Variants in FYN observed in about 807,000 individuals in gnomAD.
FYN encodes the protein FYN proto-oncogene, Src family tyrosine kinase.
FYN carries 10 observed loss-of-function variants against 70.2 expected under a neutral mutation model. The ratio of observed to expected loss-of-function variants is 0.14; its 90% CI spans 0.09 to 0.24. The LOEUF is 0.24. Ranked by LOEUF, FYN falls within the 10% of genes least tolerant of loss-of-function variation. The pLI, the probability that FYN is intolerant of heterozygous loss-of-function variation, is 1.00. For missense variants in FYN, 319 were observed against 673.1 expected, an observed-to-expected ratio of 0.47 and a Z score of 5.82; for synonymous variants, 236 against 248.6, an observed-to-expected ratio of 0.95 and a Z score of 0.48.
In FYN at chr6:111,832,703, T is replaced by C. The variant is rs559872170; in HGVS notation, c.-82+13886A>G. On this transcript the variant is annotated intron_variant, in intron 2 of 13. Coordinates refer to ENST00000354650, the MANE Select transcript of FYN (RefSeq NM_002037.5). Reference sequence around the variant, plus strand: ...AACATTGAGGTTTTTTCCATTTTTTTTGGCCAAAAACAACATTTCCAAATT... The same window carrying C: ...AACATTGAGGTTTTTTCCATTTTTTCTGGCCAAAAACAACATTTCCAAATT... 1.2e-4 allele frequency among the ~76,000 whole-genome samples: 18 copies of C among 152,306 alleles called. No individual in the cohort carries two copies. In the East Asian group the frequency reaches 3.5e-3, roughly 29 times the overall value.
At chr6:111,678,272 A>T (rs1798636329) in intron 12 of FYN, among the ~76,000 whole-genome samples, 1 of 152,106 alleles carries the variant, frequency 6.6e-6, no homozygotes, top group South Asian at 2.1e-4. Context: ...AAAACTTGAC[A>T]ACCTGGTGTT....
chr6:111,736,412 C>T (rs150211244), intron 3 of FYN, among the ~76,000 whole-genome samples: 126 of 152,292 alleles, frequency 8.3e-4, no homozygotes, highest in African/African-American at 2.9e-3. Flanking sequence ...CTTGCTCATC[C>T]ACCAGCAAGA....
At chr6:111,780,968 C>T (rs909639417) in intron 2 of FYN, 1 of 152,150 alleles carries the variant, frequency 6.6e-6, no homozygotes, top group African/African-American at 2.4e-5. Flanking sequence ...ACAACATATT[C>T]CCCCAAACCA....
intron 4 of FYN, 37 bp from the exon 5 acceptor site, chr6:111,714,480 C>T (rs951267488): frequency 2.2e-5 from 30 of 1,389,074 alleles, no homozygotes; most frequent in Non-Finnish European, 2.9e-5. Context: ...GAGATTATTA[C>T]ACAAGGGGAA....
At chr6:111,864,073 A>G (rs1342420202) in intron 1 of FYN, among the ~76,000 whole-genome samples, 4 of 152,212 alleles carry the variant, frequency 2.6e-5, no homozygotes, top group Admixed American at 1.3e-4. Flanking sequence ...GATCTTCAGC[A>G]TATTTGTGCT....
At chr6:111,720,090 A>G (rs1187292318) in intron 3 of FYN, 28 bp from the exon 4 acceptor site, 1 of 1,557,662 alleles carries the variant, frequency 6.4e-7, no homozygotes, top group Admixed American at 1.8e-5. Context: ...GGGGGCACGT[A>G]AGCTGGGATG....
intron 2 of FYN, among the ~76,000 whole-genome samples, chr6:111,832,180 G>A (rs1027043270): frequency 1.1e-4 from 16 of 152,300 alleles, no homozygotes; most frequent in African/African-American, 3.8e-4. Context: ...CCAAAGTATA[G>A]TCCCTGGGGA....
intron 2 of FYN, among the ~76,000 whole-genome samples, chr6:111,804,194 G>A (rs899394386): frequency 2.6e-5 from 4 of 152,138 alleles, no homozygotes; most frequent in Non-Finnish European, 5.9e-5. Flanking sequence ...GAAAATATAC[G>A]AGGGCCATGC....
intron 3 of FYN, among the ~76,000 whole-genome samples, chr6:111,775,623 G>GT (rs1173928575): frequency 6.6e-6 from 1 of 152,192 alleles, no homozygotes; most frequent in African/African-American, 2.4e-5. Flanking sequence ...AAATGGAACT[G>GT]TAAGCCCTGA....
chr6:111,765,136 T>TGCACACAGGGTGTGTGCACACATGA (rs1005689185), intron 3 of FYN, among the ~76,000 whole-genome samples: 1 of 151,990 alleles, frequency 6.6e-6, no homozygotes, highest in African/African-American at 2.4e-5. Flanking sequence ...AGAGGAGACC[T>TGCACACAGGGTGTGTGCACACATGA]GCACACAGGG....
chr6:111,846,917 T>TAC (rs547328770), intron 1 of FYN, among the ~76,000 whole-genome samples: 2,113 of 151,626 alleles, frequency 0.014, 18 homozygotes, highest in Admixed American at 0.025. Flanking sequence ...CACACACACA[T>TAC]ACACACACAC....
intron 6 of FYN, among the ~76,000 whole-genome samples, chr6:111,706,147 T>G (rs1197056324): frequency 1.3e-5 from 2 of 152,200 alleles, no homozygotes; most frequent in Non-Finnish European, 2.9e-5. Flanking sequence ...GTTATTTGCC[T>G]TATATCCTCC....
chr6:111,682,657 G>A (rs1036067024), intron 12 of FYN, among the ~76,000 whole-genome samples: 2 of 152,330 alleles, frequency 1.3e-5, no homozygotes, highest in South Asian at 2.1e-4. Context: ...ATTGTGGGCT[G>A]AGCTGGGATT....
intron 3 of FYN, among the ~76,000 whole-genome samples, chr6:111,757,253 C>T (rs552704961): frequency 6.6e-6 from 1 of 152,270 alleles, no homozygotes; most frequent in South Asian, 2.1e-4. Flanking sequence ...TATTTCTTGA[C>T]CTTCATCTCC....
chr6:111,868,293 G>A (rs546542872), intron 1 of FYN, among the ~76,000 whole-genome samples: 8 of 152,202 alleles, frequency 5.3e-5, no homozygotes, highest in South Asian at 2.1e-4. Flanking sequence ...TTGAACCATC[G>A]AATTAATTGT....
At chr6:111,717,469 T>C (rs1800706318) in intron 4 of FYN, among the ~76,000 whole-genome samples, 1 of 152,050 alleles carries the variant, frequency 6.6e-6, no homozygotes, top group Admixed American at 6.6e-5. Context: ...CACTTTTTTT[T>C]TTTTCTTTTG....
At chr6:111,733,560 C>T (rs574713038) in intron 3 of FYN, among the ~76,000 whole-genome samples, 1 of 152,308 alleles carries the variant, frequency 6.6e-6, no homozygotes, top group African/African-American at 2.4e-5. Context: ...GCTGAGTAGC[C>T]CTGTGGCACA....
At chr6:111,776,838 T>C (rs1380656970) in intron 3 of FYN, among the ~76,000 whole-genome samples, 1 of 152,214 alleles carries the variant, frequency 6.6e-6, no homozygotes, top group Non-Finnish European at 1.5e-5. Context: ...AATGTAGCCA[T>C]ATTAGGCTAC....
chr6:111,862,070 A>G (rs1248719976), intron 1 of FYN, among the ~76,000 whole-genome samples: 4 of 152,216 alleles, frequency 2.6e-5, no homozygotes, highest in Non-Finnish European at 5.9e-5. Flanking sequence ...GGGTAGGTAC[A>G]TAATACTTTC....
Sources: gnomAD v4.1 joint callset for allele counts (sites outside exome capture counted in the v4.1 genomes callset) on GRCh38, gnomAD v4.1.1 for gene constraint, MANE v1.5 for transcripts, NCBI Gene and HGNC (gene_info 2026-07-23, HGNC 2026-07-21) for gene names.